The following ACHE variants were observed in gnomAD, a reference collection of about 807,000 sequenced individuals.
ACHE encodes acetylcholinesterase (Yt blood group), also known as acetylcholinesterase.
ACHE carries 19 observed loss-of-function variants against 53.9 expected under a neutral mutation model. The ratio of observed to expected loss-of-function variants is 0.35; its 90% CI spans 0.25 to 0.52. The LOEUF (loss-of-function observed/expected upper bound fraction) is 0.52. Among genes scored for constraint, ACHE ranks in the 20% least tolerant of loss-of-function variants. The pLI is 0.95. For synonymous variants in ACHE, 392 were observed against 378.1 expected (o/e 1.04, Z -0.43); for missense variants, 605 against 849.4 (o/e 0.71, Z 3.58).
intron 1 of ACHE, 85 bp from the exon 2 acceptor site, chr7:100,894,337 T>G: frequency 1.0e-6 from 1 of 971,932 alleles, no homozygotes; most frequent in Non-Finnish European, 1.4e-6. Flanking sequence ...GCCCAAGGGT[T>G]ATCGCTCAGC....
In ACHE at chr7:100,890,038, C is replaced by T; in HGVS notation, c.*176G>A. ...GCAGCCCAGAGGGGCGAAGGCACCG[C>T]GGGGGAGGGAGCTCAGCCTGAGACA... On this transcript the variant is annotated 3_prime_UTR_variant, in exon 5 of 5. Transcript: ENST00000241069. The T allele has an allele frequency of 1.4e-6, 1 of 706,242 alleles. No homozygotes were observed. The highest frequency in any genetic ancestry group is 1.8e-5 in the African/African-American group (1 of 55,712). The allele number at this position is 706,242 out of a possible 1,614,324, so 43.7% of individuals were successfully genotyped here. A position where few individuals can be genotyped will look rare whatever the true frequency, so the allele number is the denominator to read the frequency against.
rs2116000213 is a variant in ACHE at position 100,893,200 on chromosome 7, C to T, written c.1033G>A (p.Ala345Thr). ...DGDFLSDTPEALINAGDFHGL... is the reference protein window; with the variant it reads ...DGDFLSDTPETLINAGDFHGL... ...TGGAAGTCTCCCGCGTTGATGAGGG[C>T]CTCTGGGGTGTCACTGAGGAAGTCT... Residue 345 changes from alanine to threonine, a missense_variant, in exon 2 of 5, where the codon GCC (alanine) becomes ACC (threonine). Transcript: ENST00000241069. 1 of 1,614,060 alleles carries T rather than the reference C, an allele frequency of 6.2e-7. No homozygotes were observed. Among genetic ancestry groups the T allele is most frequent in the East Asian group, 2.2e-5 (1 of 44,868 alleles).
chr7:100,892,231 C>T lies in ACHE; in HGVS notation c.1553+103G>A. 7 of 1,398,558 alleles carry T rather than the reference C, an allele frequency of 5.0e-6. No individual in the cohort carries two copies. Among genetic ancestry groups the T allele is most frequent in the Non-Finnish European group, 6.6e-6 (7 of 1,063,638 alleles). 86.6% of individuals were successfully genotyped at this position (1,398,558 alleles called of 1,614,324 possible). A position where few individuals can be genotyped will look rare whatever the true frequency, so the allele number is the denominator to read the frequency against. Reference sequence around the variant, plus strand: ...TCCCTCTCTGGCTGTTCTATCCTGCCCCTGTCCCACCCGTCCTTTCTGTCT... The same window carrying T: ...TCCCTCTCTGGCTGTTCTATCCTGCTCCTGTCCCACCCGTCCTTTCTGTCT... On this transcript the variant is annotated intron_variant, in intron 3 of 4. Transcript: ENST00000241069. The surrounding 1 kb of genome is among the most constrained non-coding windows in gnomAD (Gnocchi z 5.2).
intron 4 of ACHE, chr7:100,890,847 T>G: frequency 7.0e-7 from 1 of 1,425,700 alleles, no homozygotes; most frequent in Non-Finnish European, 9.2e-7. Context: ...AGTCTCTCGG[T>G]TTGAGGAGGA....
Position 100,893,940 on chromosome 7 carries a change from C to T in ACHE, c.293G>A (p.Ser98Asn), listed in dbSNP as rs760043016. ...SGVVDATTFQ[S>N]VCYQYVDTLY... ...GGTGTCCACATATTGGTAGCAGACA[C>T]TCTGGAAGGTTGTAGCGTCTACCAC... Residue 98 changes from serine to asparagine, a missense_variant, in exon 2 of 5, where the codon AGT becomes AAT. This residue lies in a region of ACHE where 397 missense variants were observed against 632.5 expected (regional missense o/e 0.63). Coordinates refer to ENST00000241069, the MANE Select transcript of ACHE (RefSeq NM_000665.5). The T allele has an allele frequency of 1.9e-6, 3 of 1,606,184 alleles. No homozygotes were observed. The highest frequency in any genetic ancestry group is 2.2e-5 in the East Asian group (1 of 44,782).
chr7:100,891,001 TGGA>T (rs1158088646), intron 4 of ACHE, 165 bp downstream of exon 4: 18 of 1,453,596 alleles, frequency 1.2e-5, no homozygotes, highest in South Asian at 4.3e-5. Flanking sequence ...GAGAAGCTGG[TGGA>T]GGAGGAGGAG....
At position 100,893,963 on chromosome 7, in the gene ACHE, C is replaced by T. The variant is rs1275418499; in HGVS notation, c.270G>A (p.Val90=). 6.2e-7 allele frequency: 1 copy of T among 1,611,042 alleles called. No individual in the cohort carries two copies. The highest frequency in any genetic ancestry group is 1.1e-5 in the South Asian group (1 of 90,746). The stretch of plus-strand genomic sequence containing the variant: ...CACTCTGGAAGGTTGTAGCGTCTAC[C>T]ACCCCTGACCAAGGCTGCTTGGGCT... The part of the protein sequence containing the change: ...PPEPKQPWSG[V]VDATTFQSVC... The change falls in exon 2 of 5, where the codon GTG becomes GTA. Residue 90 remains valine, a synonymous_variant. Coordinates refer to ENST00000241069, the MANE Select transcript of ACHE (RefSeq NM_000665.5).
intron 1 of ACHE, among the ~76,000 whole-genome samples, chr7:100,895,451 C>A (rs369090680): frequency 2.6e-5 from 4 of 152,074 alleles, no homozygotes; most frequent in Non-Finnish European, 5.9e-5. Context: ...GATGGGGGTG[C>A]CCAGCCCGGC....
rs377196885 is a variant in ACHE, at chr7:100,892,573, G to A, written c.1314C>T (p.Val438=). 1.7e-5 allele frequency: 28 copies of A among 1,613,160 alleles called. No homozygotes were observed. The highest frequency in any genetic ancestry group is 2.2e-5 in the East Asian group (1 of 44,866). ...ALSDVVGDHN[V]VCPVAQLAGR... ...CAGCCAGCTGGGCCACGGGGCACAC[G>A]ACATTGTGGTCGCCCACCACATCGC... The change falls in exon 3 of 5, where the codon GTC becomes GTT. Residue 438 remains valine, a synonymous_variant. Transcript: ENST00000241069. The surrounding 1 kb of genome is among the most constrained non-coding windows in gnomAD (Gnocchi z 5.2).
Position 100,893,327 on chromosome 7 carries a change from G to C in ACHE, c.906C>G (p.Ala302=), listed in dbSNP as rs1479979286. Reference sequence around the variant, plus strand: ...CCTGCGCTGGTCGTGTCCGAAGGCAGGCTACCAGCTCTGTGTCATTCCCAC... The same window carrying C: ...CCTGCGCTGGTCGTGTCCGAAGGCACGCTACCAGCTCTGTGTCATTCCCAC... ...GTGGNDTELV[A]CLRTRPAQVL... is the part of the protein sequence containing the mutation. Residue 302 remains alanine, a synonymous_variant, in exon 2 of 5, where the codon GCC becomes GCG. Transcript: ENST00000241069. The C allele has an allele frequency of 6.2e-7, 1 of 1,613,776 alleles. No homozygotes were observed. The highest frequency in any genetic ancestry group is 8.5e-7 in the Non-Finnish European group (1 of 1,180,028).
upstream of ACHE, chr7:100,896,854 G>C (rs998714693): frequency 5.7e-6 from 1 of 176,006 alleles, no homozygotes; most frequent in African/African-American, 2.4e-5. Context: ...CGTGTGGACA[G>C]GGCTGCTGCA....
chr7:100,892,606 C>G lies in ACHE; in HGVS notation c.1281G>C (p.Glu427Asp). The change falls in exon 3 of 5, where the codon GAG (glutamate) becomes GAC (aspartate). Residue 427 changes from glutamate (E) to aspartate (D), a missense_variant. By Grantham distance (45) the Glu-to-Asp change is conservative. This residue lies in a region of ACHE where 397 missense variants were observed against 632.5 expected (regional missense o/e 0.63). Coordinates refer to ENST00000241069, the MANE Select transcript of ACHE (RefSeq NM_000665.5). The surrounding 1 kb of genome is among the most constrained non-coding windows in gnomAD (Gnocchi z 5.2). ...LHPEDPARLR[E>D]ALSDVVGDHN... ...GGTCGCCCACCACATCGCTCAGGGC[C>G]TCCCTCAGGCGTGCCGGGTCCTCGG... 1 of 1,613,486 alleles carries G rather than the reference C, an allele frequency of 6.2e-7. No individual in the cohort carries two copies. The highest frequency in any genetic ancestry group is 8.5e-7 in the Non-Finnish European group (1 of 1,179,936).
At position 100,892,838 on chromosome 7, in the gene ACHE, G is replaced by A. The variant is rs539066880; in HGVS notation, c.1069-20C>T. 1 of 1,551,426 alleles carries A rather than the reference G, an allele frequency of 6.4e-7. No homozygotes were observed. Among genetic ancestry groups the A allele is most frequent in the African/African-American group, 1.3e-5 (1 of 74,098 alleles). Reference sequence around the variant, plus strand: ...CAGCACCTGGGGGTGAGGGAGAGGGGGGTGGGATGGAGCGACAGGCACAGA... The same window carrying A: ...CAGCACCTGGGGGTGAGGGAGAGGGAGGTGGGATGGAGCGACAGGCACAGA... On this transcript the variant is annotated intron_variant, in intron 2 of 4. Coordinates refer to ENST00000241069, the MANE Select transcript of ACHE (RefSeq NM_000665.5). This position sits in a 1 kb window ranked among gnomAD's most constrained non-coding sequence, Gnocchi z 5.2.
At position 100,893,975 on chromosome 7, in the gene ACHE, A is replaced by G; in HGVS notation, c.258T>C (p.Pro86=). The change falls in exon 2 of 5, where the codon CCT becomes CCC. Residue 86 remains proline (P), a synonymous_variant. Transcript: ENST00000241069. ...TTGTAGCGTCTACCACCCCTGACCAAGGCTGCTTGGGCTCCGGTGGCAGAA... is the reference window on the plus strand; with the variant it reads ...TTGTAGCGTCTACCACCCCTGACCAGGGCTGCTTGGGCTCCGGTGGCAGAA... ...RRFLPPEPKQ[P]WSGVVDATTF... 6.2e-7 allele frequency: 1 copy of G among 1,611,960 alleles called. No individual in the cohort carries two copies. Among genetic ancestry groups the G allele is most frequent in the Non-Finnish European group, 8.5e-7 (1 of 1,179,014 alleles).
At chr7:100,890,807 C>T (rs1563033035) in intron 4 of ACHE, 1 of 1,359,090 alleles carries the variant, frequency 7.4e-7, no homozygotes, top group Non-Finnish European at 9.5e-7. Context: ...GTGGGAGGCA[C>T]GGCCCCCTCC....
Position 100,891,263 on chromosome 7 carries a change from A to T in ACHE, c.1629T>A (p.Ser543Arg), listed in dbSNP as rs1280777178. 1 of 1,610,736 alleles carries T rather than the reference A, an allele frequency of 6.2e-7. No homozygotes were observed. Among genetic ancestry groups the T allele is most frequent in the East Asian group, 2.2e-5 (1 of 44,842 alleles). ...GCACCTCCAGCGGCCGCAGGTCCAGACTAACGTACTGCTGAGCCCCCGCCG... is the reference window on the plus strand; with the variant it reads ...GCACCTCCAGCGGCCGCAGGTCCAGTCTAACGTACTGCTGAGCCCCCGCCG... ...PYTAGAQQYV[S>R]LDLRPLEVRR... Residue 543 changes from serine (S) to arginine (R), a missense_variant, in exon 4 of 5, where the codon AGT (serine) becomes AGA (arginine). Physicochemically the swap from Ser to Arg is moderately radical, Grantham distance 110. This residue lies in a region of ACHE where 91 missense variants were observed against 83.2 expected (regional missense o/e 1.09). Transcript: ENST00000241069.
At chr7:100,890,475 G>A (rs1790602031) in intron 4 of ACHE, 140 bp from the exon 5 acceptor site, 2 of 1,466,406 alleles carry the variant, frequency 1.4e-6, no homozygotes, top group Non-Finnish European at 1.8e-6. Flanking sequence ...GTGGGACGGT[G>A]GCAAGAGGAT....
Position 100,892,843 on chromosome 7 carries a change from G to A in ACHE, c.1069-25C>T, listed in dbSNP as rs557283511. On this transcript the variant is annotated intron_variant, in intron 2 of 4. Coordinates refer to ENST00000241069, the MANE Select transcript of ACHE (RefSeq NM_000665.5). The surrounding 1 kb of genome is among the most constrained non-coding windows in gnomAD (Gnocchi z 5.2). Reference sequence around the variant, plus strand: ...CCTGGGGGTGAGGGAGAGGGGGGTGGGATGGAGCGACAGGCACAGACAGAC... The same window carrying A: ...CCTGGGGGTGAGGGAGAGGGGGGTGAGATGGAGCGACAGGCACAGACAGAC... The A allele has an allele frequency of 2.3e-4, 351 of 1,542,290 alleles. 1 individual carries two copies. The South Asian group carries it at 3.4e-3, about 15-fold the overall frequency.
At chr7:100,896,598 G>T (rs771079355), upstream of ACHE, 6 of 266,840 alleles carry the variant, frequency 2.2e-5, no homozygotes, top group Non-Finnish European at 4.0e-5. Flanking sequence ...GCTGCTGGGC[G>T]AGGCCGCACT....
Sources: allele counts gnomAD v4.1 joint callset (sites outside exome capture counted in the v4.1 genomes callset), GRCh38; gene constraint gnomAD v4.1.1; regional missense constraint gnomAD v4.1.1; non-coding constraint Gnocchi (gnomAD v3.1); transcripts MANE v1.5; gene names NCBI Gene and HGNC (gene_info 2026-07-23, HGNC 2026-07-21).